Variants in GREB1L observed in about 807,000 individuals in gnomAD.
The protein encoded by GREB1L is GREB1 like retinoic acid receptor coactivator.
In GREB1L, 17 loss-of-function variants were observed where a neutral mutation model predicts 200.8. The ratio of observed to expected loss-of-function variants is 0.08; its 90% CI spans 0.06 to 0.13. GREB1L has a LOEUF of 0.13. Among genes scored for constraint, GREB1L ranks in the 10% least tolerant of loss-of-function variants. The pLI, the probability that GREB1L is intolerant of heterozygous loss-of-function variation, is 1.00. For synonymous variants in GREB1L, 789 were observed against 893.0 expected (o/e 0.88, Z 2.08); for missense variants, 1,657 against 2,367.7 (o/e 0.70, Z 6.23).
chr18:21,347,836 G>A (rs1391400413), intron 1 of GREB1L, among the ~76,000 whole-genome samples: 8 of 139,192 alleles, frequency 5.7e-5, no homozygotes, highest in African/African-American at 2.2e-4. Flanking sequence ...GCACAATCTC[G>A]GCTCACTGCA....
chr18:21,497,891 A>T (rs1279448455), intron 21 of GREB1L, among the ~76,000 whole-genome samples: 1 of 126,246 alleles, frequency 7.9e-6, no homozygotes, highest in African/African-American at 3.0e-5. Flanking sequence ...GCACGATCTC[A>T]GCTCACTGCA....
intron 15 of GREB1L, among the ~76,000 whole-genome samples, chr18:21,470,629 C>T (rs2035446006): frequency 1.3e-5 from 2 of 152,028 alleles, no homozygotes; most frequent in South Asian, 2.1e-4. Flanking sequence ...GTTTTCTACA[C>T]AGACATATTA....
intron 7 of GREB1L, among the ~76,000 whole-genome samples, chr18:21,413,208 C>T (rs77168052): frequency 0.012 from 1,798 of 152,254 alleles, 40 homozygotes; most frequent in African/African-American, 0.041. Context: ...TCTGCCACCC[C>T]CTAACCTAGG....
At chr18:21,285,599 C>T (rs539241713) in intron 1 of GREB1L, among the ~76,000 whole-genome samples, 1 of 152,294 alleles carries the variant, frequency 6.6e-6, no homozygotes, top group East Asian at 1.9e-4. Context: ...TAGAACAAAT[C>T]AACCAGAACC....
intron 1 of GREB1L, among the ~76,000 whole-genome samples, chr18:21,246,755 T>C (rs2037609693): frequency 6.6e-6 from 1 of 152,252 alleles, no homozygotes. Flanking sequence ...GAAAAGTAGC[T>C]GTTAACTAAG....
intron 1 of GREB1L, among the ~76,000 whole-genome samples, chr18:21,349,188 C>T (rs2143236695): frequency 6.6e-6 from 1 of 152,274 alleles, no homozygotes; most frequent in Admixed American, 6.5e-5. Flanking sequence ...TTCACACTTC[C>T]AAAGTTACCT....
At position 21,414,226 on chromosome 18, in the gene GREB1L, G is replaced by A. The variant is rs189250970; in HGVS notation, c.832+10232G>A. Reference sequence around the variant, plus strand: ...ATGCTAAAAAAGATCATTATGAACCGTGCAGCCACCTAGGAAATAATTCTG... The same window carrying A: ...ATGCTAAAAAAGATCATTATGAACCATGCAGCCACCTAGGAAATAATTCTG... On this transcript the variant is annotated intron_variant, in intron 7 of 32. Coordinates refer to ENST00000424526, the MANE Select transcript of GREB1L (RefSeq NM_001142966.3). Among the ~76,000 whole-genome samples the A allele has an allele frequency of 1.2e-4, 19 of 152,102 alleles. No individual in the cohort carries two copies. In the East Asian group the frequency reaches 1.4e-3, roughly 11 times the overall value.
intron 1 of GREB1L, among the ~76,000 whole-genome samples, chr18:21,323,273 T>C (rs1405511025): frequency 2.0e-5 from 3 of 151,640 alleles, no homozygotes; most frequent in African/African-American, 7.3e-5. Context: ...GGTGACAGAG[T>C]GAGACCCTGT....
chr18:21,305,041 C>A (rs574572666), intron 1 of GREB1L, among the ~76,000 whole-genome samples: 1 of 151,838 alleles, frequency 6.6e-6, no homozygotes, highest in East Asian at 1.9e-4. Context: ...TGCAGTGGCA[C>A]GGTCTTGGCT....
chr18:21,479,549 T>A (rs1184922907), intron 17 of GREB1L, among the ~76,000 whole-genome samples: 3 of 151,888 alleles, frequency 2.0e-5, no homozygotes, highest in African/African-American at 7.3e-5. Flanking sequence ...CACGGTGGCA[T>A]GTGTCTATAG....
At chr18:21,331,424 G>C (rs866007189) in intron 1 of GREB1L, among the ~76,000 whole-genome samples, 2 of 152,182 alleles carry the variant, frequency 1.3e-5, no homozygotes, top group East Asian at 1.9e-4. Context: ...AATTATGCTC[G>C]TGTGAGAACA....
chr18:21,375,871 CT>C (rs2040049604), intron 2 of GREB1L, among the ~76,000 whole-genome samples: 2 of 152,146 alleles, frequency 1.3e-5, no homozygotes, highest in African/African-American at 4.8e-5. Flanking sequence ...TTGACAATAA[CT>C]ACCACCACCA....
intron 1 of GREB1L, among the ~76,000 whole-genome samples, chr18:21,314,252 T>G (rs2038834511): frequency 6.6e-6 from 1 of 152,178 alleles, no homozygotes; most frequent in African/African-American, 2.4e-5. Flanking sequence ...TAATGCTTGC[T>G]CCTTACACAT....
intron 7 of GREB1L, among the ~76,000 whole-genome samples, chr18:21,417,341 G>A (rs1325253428): frequency 6.6e-6 from 1 of 151,950 alleles, no homozygotes; most frequent in Non-Finnish European, 1.5e-5. Context: ...GGCCGACATG[G>A]TGAAACCCCA....
At chr18:21,269,375 T>C (rs890130459) in intron 1 of GREB1L, among the ~76,000 whole-genome samples, 5 of 152,174 alleles carry the variant, frequency 3.3e-5, no homozygotes, top group African/African-American at 1.2e-4. Context: ...CTCAAAGATG[T>C]TTTATAATTT....
At chr18:21,330,008 C>G (rs1418054038) in intron 1 of GREB1L, among the ~76,000 whole-genome samples, 2 of 149,444 alleles carry the variant, frequency 1.3e-5, no homozygotes, top group Non-Finnish European at 3.0e-5. Context: ...AACTTTTTCC[C>G]TAGGTCTTCA....
intron 1 of GREB1L, among the ~76,000 whole-genome samples, chr18:21,269,594 TA>T (rs1236054381): frequency 6.6e-6 from 1 of 151,996 alleles, no homozygotes; most frequent in Non-Finnish European, 1.5e-5. Flanking sequence ...AAAAATTAAT[TA>T]AAACAAGACA....
intron 1 of GREB1L, among the ~76,000 whole-genome samples, chr18:21,243,376 G>A (rs1245304336): frequency 6.6e-6 from 1 of 152,162 alleles, no homozygotes; most frequent in Non-Finnish European, 1.5e-5. Context: ...CCCTTTCTCC[G>A]GTGAACGTGA....
At chr18:21,425,918 G>T (rs1322097225) in intron 7 of GREB1L, among the ~76,000 whole-genome samples, 1 of 151,988 alleles carries the variant, frequency 6.6e-6, no homozygotes, top group Admixed American at 6.6e-5. Flanking sequence ...ATTTTCTTTT[G>T]TTTGTGTTTT....
Sources: gnomAD v4.1 joint callset for allele counts (sites outside exome capture counted in the v4.1 genomes callset) on GRCh38, gnomAD v4.1.1 for gene constraint, MANE v1.5 for transcripts, NCBI Gene and HGNC (gene_info 2026-07-23, HGNC 2026-07-21) for gene names.